The following PTPRG variants were observed in gnomAD, a reference collection of about 807,000 sequenced individuals.
PTPRG encodes receptor-type tyrosine-protein phosphatase gamma.
A neutral mutation model predicts 165.3 loss-of-function variants in PTPRG; 102 were observed. The ratio of observed to expected loss-of-function variants is 0.62; its 90% CI spans 0.53 to 0.73. PTPRG has a LOEUF of 0.73. Ranked by LOEUF, PTPRG falls within the 30% of genes least tolerant of loss-of-function variation. The pLI is 0.00. For missense variants in PTPRG, 1,866 were observed against 1,861.4 expected, an observed-to-expected ratio of 1.00 and a Z score of -0.05; for synonymous variants, 675 against 669.5, an observed-to-expected ratio of 1.01 and a Z score of -0.13.
At chr3:62,263,099 C>T (rs908105102) in intron 17 of PTPRG, 3 of 493,332 alleles carry the variant, frequency 6.1e-6, no homozygotes, top group East Asian at 3.5e-5. Context: ...CAGGGCTCAG[C>T]GAGCTTAATA....
intron 2 of PTPRG, among the ~76,000 whole-genome samples, chr3:61,917,380 C>T (rs1265221618): frequency 2.0e-5 from 3 of 152,120 alleles, no homozygotes; most frequent in Admixed American, 6.5e-5. Flanking sequence ...AGTGTTTAAG[C>T]GGTGAACATG....
At position 61,807,689 on chromosome 3, in the gene PTPRG, C is replaced by A. The variant is rs150094490; in HGVS notation, c.190+58707C>A. 3.9e-3 allele frequency among the ~76,000 whole-genome samples: 591 copies of A among 152,246 alleles called. 2 individuals are homozygous for A. The highest frequency in any genetic ancestry group is 6.7e-3 in the Non-Finnish European group (459 of 68,016). The stretch of plus-strand genomic sequence containing the variant: ...GTAAATGCCATCTTGATAACAGAAT[C>A]ATAAATGTGTTCATGTAAGGGTATG... On this transcript the variant is annotated intron_variant, in intron 2 of 29. Coordinates refer to ENST00000474889, the MANE Select transcript of PTPRG (RefSeq NM_002841.4).
intron 2 of PTPRG, among the ~76,000 whole-genome samples, chr3:61,988,423 A>G (rs1269674827): frequency 6.6e-6 from 1 of 152,146 alleles, no homozygotes; most frequent in Admixed American, 6.5e-5. Flanking sequence ...GCAGCCACTC[A>G]TGTGGACTCT....
At chr3:62,186,567 C>CTTTT (rs35133425) in intron 8 of PTPRG, among the ~76,000 whole-genome samples, 2,044 of 117,476 alleles carry the variant, frequency 0.017, 61 homozygotes, top group South Asian at 0.045. Context: ...TTTTCTTTTC[C>CTTTT]TTTTTTTTTT....
chr3:61,618,462 T>C (rs1390664218), intron 1 of PTPRG, among the ~76,000 whole-genome samples: 1 of 152,116 alleles, frequency 6.6e-6, no homozygotes, highest in Non-Finnish European at 1.5e-5. Context: ...TAAAGCATGG[T>C]GGGGTATTCT....
chr3:61,946,356 G>C (rs1161644435), intron 2 of PTPRG, among the ~76,000 whole-genome samples: 1 of 152,226 alleles, frequency 6.6e-6, no homozygotes, highest in African/African-American at 2.4e-5. Flanking sequence ...CCATGCCTGT[G>C]AGGTTTGAAG....
intron 1 of PTPRG, among the ~76,000 whole-genome samples, chr3:61,721,946 C>G (rs951667963): frequency 6.6e-6 from 1 of 152,108 alleles, no homozygotes; most frequent in South Asian, 2.1e-4. Flanking sequence ...GAGTGGTTCT[C>G]CTTAGTATGG....
chr3:62,191,566 C>T lies in PTPRG; in HGVS notation c.1131C>T (p.Pro377=). The change falls in exon 9 of 30, where the codon CCC becomes CCT. Residue 377 remains proline (P), a synonymous_variant. Transcript: ENST00000474889. ...WSQPETIYHP[P]IMNYMISYSW... is the part of the protein sequence containing the mutation. The stretch of plus-strand genomic sequence containing the variant: ...AGCCGGAGACTATCTACCACCCACC[C>T]ATCATGAACTACATGATCTCCTACA... The T allele has an allele frequency of 6.2e-7, 1 of 1,614,054 alleles. No individual in the cohort carries two copies. Among genetic ancestry groups the T allele is most frequent in the African/African-American group, 1.3e-5 (1 of 75,038 alleles).
intron 5 of PTPRG, among the ~76,000 whole-genome samples, chr3:62,092,677 T>C (rs1432751714): frequency 6.6e-6 from 1 of 152,098 alleles, no homozygotes; most frequent in Non-Finnish European, 1.5e-5. Context: ...ATTTGGAAAA[T>C]AGGACCAGTA....
At chr3:61,974,067 T>C (rs2040445492) in intron 2 of PTPRG, among the ~76,000 whole-genome samples, 1 of 152,132 alleles carries the variant, frequency 6.6e-6, no homozygotes, top group Non-Finnish European at 1.5e-5. Flanking sequence ...GCCAAAGTTT[T>C]CTCTTTTCAT....
At chr3:61,994,076 G>A (rs545292883) in intron 3 of PTPRG, among the ~76,000 whole-genome samples, 22 of 152,276 alleles carry the variant, frequency 1.4e-4, no homozygotes, top group Middle Eastern at 3.4e-3. Context: ...CTGAGGAGCC[G>A]TAACTATCTA....
intron 2 of PTPRG, among the ~76,000 whole-genome samples, chr3:61,813,459 T>C (rs760689088): frequency 1.4e-5 from 2 of 143,318 alleles, no homozygotes; most frequent in Non-Finnish European, 3.0e-5. Context: ...GAGGTTGCGT[T>C]GAGCTGAGAT....
At chr3:62,256,247 C>A (rs1207106881) in intron 16 of PTPRG, among the ~76,000 whole-genome samples, 1 of 152,068 alleles carries the variant, frequency 6.6e-6, no homozygotes, top group Non-Finnish European at 1.5e-5. Flanking sequence ...CTGGAAGGTG[C>A]AGTTACCTTG....
At chr3:61,576,879 A>G (rs546798606) in intron 1 of PTPRG, among the ~76,000 whole-genome samples, 51 of 152,268 alleles carry the variant, frequency 3.3e-4, no homozygotes, top group African/African-American at 1.2e-3. Context: ...AGGTATAGGG[A>G]TCTAAATTCA....
chr3:62,076,827 C>T (rs886714533), intron 4 of PTPRG, among the ~76,000 whole-genome samples: 10 of 152,148 alleles, frequency 6.6e-5, no homozygotes, highest in African/African-American at 1.9e-4. Flanking sequence ...GTGACCTGCC[C>T]GCCACAGCCT....
At chr3:62,200,162 G>A (rs1219120204) in intron 10 of PTPRG, among the ~76,000 whole-genome samples, 1 of 152,206 alleles carries the variant, frequency 6.6e-6, no homozygotes, top group African/African-American at 2.4e-5. Flanking sequence ...TCTGGAGACG[G>A]ATAGAAGTAA....
At chr3:62,289,009 C>T (rs1702775125) in intron 28 of PTPRG, among the ~76,000 whole-genome samples, 1 of 152,036 alleles carries the variant, frequency 6.6e-6, no homozygotes, top group Non-Finnish European at 1.5e-5. Context: ...AATGTTTAAG[C>T]CTATAAATAA....
chr3:62,272,196 C>A (rs1226361401), intron 21 of PTPRG, among the ~76,000 whole-genome samples: 1 of 152,066 alleles, frequency 6.6e-6, no homozygotes, highest in Non-Finnish European at 1.5e-5. Context: ...CAAGAACTTT[C>A]CACACTAGAA....
chr3:62,019,820 A>C (rs1277172766), intron 4 of PTPRG, among the ~76,000 whole-genome samples: 3 of 152,218 alleles, frequency 2.0e-5, no homozygotes, highest in Admixed American at 2.0e-4. Flanking sequence ...AATAATAATG[A>C]TAGTTAACTT....
Sources: gnomAD v4.1 joint callset for allele counts (sites outside exome capture counted in the v4.1 genomes callset) on GRCh38, gnomAD v4.1.1 for gene constraint, MANE v1.5 for transcripts, NCBI Gene and HGNC (gene_info 2026-07-23, HGNC 2026-07-21) for gene names.